Variants in BLTP1 observed in about 807,000 individuals in gnomAD.
The protein encoded by BLTP1 is bridge-like lipid transfer protein family member 1.
the BLTP1 span, chr4:122,267,549 C>A: frequency 3.3e-6 from 2 of 602,700 alleles, no homozygotes; most frequent in Non-Finnish European, 4.2e-6. Context: ...CATTTATTTA[C>A]TTGGCTCTTG....
the BLTP1 span, chr4:122,182,624 C>T: frequency 1.0e-6 from 1 of 984,948 alleles, no homozygotes; most frequent in South Asian, 4.7e-5. Context: ...CTCCATCTAC[C>T]ATTCTGCTTC....
At chr4:122,197,840 C>A in the BLTP1 span, 1 of 347,994 alleles carries the variant, frequency 2.9e-6, no homozygotes, top group Non-Finnish European at 4.0e-6. Flanking sequence ...GAAATATGGG[C>A]ACTGACACAG....
At chr4:122,298,238 T>C in the BLTP1 span, 1 of 944,496 alleles carries the variant, frequency 1.1e-6, no homozygotes, top group Non-Finnish European at 1.3e-6. Flanking sequence ...CATGTAGTTT[T>C]TATTTGATCA....
At chr4:122,207,533 T>TTTTTTTTTTG in the BLTP1 span, 1 of 1,548,674 alleles carries the variant, frequency 6.5e-7, no homozygotes, top group South Asian at 1.2e-5. Context: ...TTTTTTTTTC[T>TTTTTTTTTTG]TTTGTAGTGT....
the BLTP1 span, among the ~76,000 whole-genome samples, chr4:122,209,551 A>G: frequency 1.3e-5 from 2 of 152,174 alleles, no homozygotes; most frequent in Admixed American, 6.5e-5. Context: ...AGGCTAAGGT[A>G]GGGGAATGGC....
the BLTP1 span, chr4:122,318,126 C>A: frequency 6.3e-7 from 1 of 1,585,610 alleles, no homozygotes; most frequent in Non-Finnish European, 8.5e-7. Context: ...ACAATAATTG[C>A]CATATTTGTT....
the BLTP1 span, chr4:122,263,705 TG>T: frequency 1.5e-6 from 1 of 657,948 alleles, no homozygotes; most frequent in Non-Finnish European, 2.5e-6. Context: ...ACTGTTTGGT[TG>T]AAATTGGTCC....
At chr4:122,185,219 A>G in the BLTP1 span, 2 of 981,718 alleles carry the variant, frequency 2.0e-6, no homozygotes, top group Non-Finnish European at 1.2e-6. Flanking sequence ...TGTAAACTCC[A>G]TAGTTTTCTA....
chr4:122,302,986 C>T, the BLTP1 span, among the ~76,000 whole-genome samples: 3 of 152,168 alleles, frequency 2.0e-5, no homozygotes, highest in Admixed American at 6.6e-5. Context: ...AACTGAGGAT[C>T]AAGCTAGAAT....
At chr4:122,316,430 C>T in the BLTP1 span, 1 of 481,032 alleles carries the variant, frequency 2.1e-6, no homozygotes, top group Middle Eastern at 3.2e-4. Flanking sequence ...CTAGGCCTGA[C>T]ACCCCCAAAT....
the BLTP1 span, chr4:122,231,872 T>G: frequency 1.1e-6 from 1 of 936,990 alleles, no homozygotes; most frequent in African/African-American, 1.8e-5. Flanking sequence ...TGTTGAGATT[T>G]TTATTGAAAT....
chr4:122,260,152 A>G, the BLTP1 span: 1 of 153,910 alleles, frequency 6.5e-6, no homozygotes, highest in East Asian at 1.9e-4. Flanking sequence ...CCTAGGCTAC[A>G]AACCTGTACA....
chr4:122,195,303 T>A, the BLTP1 span, among the ~76,000 whole-genome samples: 18 of 152,350 alleles, frequency 1.2e-4, no homozygotes, highest in African/African-American at 4.3e-4. Flanking sequence ...AAGATATTAT[T>A]CAGTTTTTAC....
the BLTP1 span, chr4:122,170,537 A>G: frequency 7.2e-7 from 1 of 1,383,850 alleles, no homozygotes; most frequent in Non-Finnish European, 9.4e-7. Flanking sequence ...TATTAAATTC[A>G]CCCTTTTTTT....
chr4:122,238,245 A>T, the BLTP1 span: 9 of 1,613,960 alleles, frequency 5.6e-6, no homozygotes, highest in Admixed American at 1.0e-4. Flanking sequence ...AGTGCTGCAC[A>T]GCCTTTGTTG....
At chr4:122,186,230 A>G in the BLTP1 span, 2 of 1,598,484 alleles carry the variant, frequency 1.3e-6, no homozygotes, top group Non-Finnish European at 8.5e-7. Flanking sequence ...AAGGTTCAGT[A>G]TCATACTTGA....
At chr4:122,302,854 AT>A in the BLTP1 span, among the ~76,000 whole-genome samples, 1 of 152,190 alleles carries the variant, frequency 6.6e-6, no homozygotes, top group South Asian at 2.1e-4. Flanking sequence ...CAATGCCCTA[AT>A]TTTCTTCAAT....
the BLTP1 span, chr4:122,266,927 G>A: frequency 4.4e-6 from 7 of 1,594,178 alleles, no homozygotes; most frequent in Non-Finnish European, 6.0e-6. Flanking sequence ...TTCAGACACA[G>A]CCAAAGAGAG....
chr4:122,355,503 A>G, the BLTP1 span, among the ~76,000 whole-genome samples: 2 of 150,648 alleles, frequency 1.3e-5, no homozygotes, highest in African/African-American at 4.9e-5. Context: ...ATCCCATTAT[A>G]AAGCTTTGGT....
Sources: gnomAD v4.1 joint callset for allele counts (sites outside exome capture counted in the v4.1 genomes callset) on GRCh38, gnomAD v4.1.1 for gene constraint, MANE v1.5 for transcripts, NCBI Gene and HGNC (gene_info 2026-07-23, HGNC 2026-07-21) for gene names.